The following DLGAP2 variants were observed in gnomAD, a reference collection of about 807,000 sequenced individuals.
The protein encoded by DLGAP2 is DLG associated protein 2, also known as disks large-associated protein 2.
DLGAP2 carries 26 observed loss-of-function variants against 100.3 expected under a neutral mutation model. The observed-to-expected ratio is 0.26, with a 90% CI of 0.19 to 0.36. DLGAP2 has a LOEUF of 0.36. Ranked by LOEUF, DLGAP2 falls within the 10% of genes least tolerant of loss-of-function variation. The pLI, the probability that DLGAP2 is intolerant of heterozygous loss-of-function variation, is 1.00. For synonymous variants in DLGAP2, 886 were observed against 630.1 expected, an observed-to-expected ratio of 1.41 and a Z score of -6.08; for missense variants, 1,858 against 1,453.2, an observed-to-expected ratio of 1.28 and a Z score of -4.53.
At chr8:1,628,666 A>G (rs112618295) in intron 7 of DLGAP2, among the ~76,000 whole-genome samples, 3 of 134,196 alleles carry the variant, frequency 2.2e-5, no homozygotes, top group Non-Finnish European at 4.7e-5. Context: ...GTGGAGCAGG[A>G]ATTAAGAGCC....
intron 7 of DLGAP2, among the ~76,000 whole-genome samples, chr8:1,629,833 G>A (rs1797598591): frequency 6.6e-6 from 1 of 152,196 alleles, no homozygotes; most frequent in Non-Finnish European, 1.5e-5. Context: ...ATGCTCTTAT[G>A]AAACATTCAG....
intron 1 of DLGAP2, among the ~76,000 whole-genome samples, chr8:888,951 C>A (rs1399129812): frequency 6.6e-6 from 1 of 152,080 alleles, no homozygotes; most frequent in African/African-American, 2.4e-5. Flanking sequence ...CATCTGGATG[C>A]AGGTGGGCTG....
chr8:1,062,582 G>A (rs915650591), intron 2 of DLGAP2, among the ~76,000 whole-genome samples: 6 of 152,202 alleles, frequency 3.9e-5, no homozygotes, highest in African/African-American at 9.7e-5. Context: ...CCAGCTGGTA[G>A]CACTCAACTA....
At chr8:1,417,685 G>C (rs113852146) in intron 3 of DLGAP2, among the ~76,000 whole-genome samples, 5,443 of 70,860 alleles carry the variant, frequency 0.077, 601 homozygotes, top group Non-Finnish European at 0.11. Context: ...CTCCAGGGGG[G>C]CACAGGGGGC....
At chr8:945,059 C>G (rs1799286466) in intron 2 of DLGAP2, among the ~76,000 whole-genome samples, 1 of 152,194 alleles carries the variant, frequency 6.6e-6, no homozygotes, top group Non-Finnish European at 1.5e-5. Flanking sequence ...CTTTCCACCC[C>G]AATTTCTGTT....
At chr8:1,606,394 AC>A (rs1466226402) in intron 6 of DLGAP2, among the ~76,000 whole-genome samples, 2 of 152,074 alleles carry the variant, frequency 1.3e-5, no homozygotes, top group Non-Finnish European at 2.9e-5. Flanking sequence ...GAAACCCTGT[AC>A]CGTCACTCCC....
At chr8:1,216,760 C>T (rs781394132) in intron 2 of DLGAP2, among the ~76,000 whole-genome samples, 2 of 152,102 alleles carry the variant, frequency 1.3e-5, no homozygotes, top group Admixed American at 1.3e-4. Context: ...TCCTCTCTTC[C>T]CCCACCAAAA....
chr8:1,234,183 G>T (rs548411029), intron 2 of DLGAP2, among the ~76,000 whole-genome samples: 1 of 152,250 alleles, frequency 6.6e-6, no homozygotes, highest in East Asian at 1.9e-4. Context: ...CTGTGCGGCT[G>T]TTGTCGTAGG....
chr8:1,260,821 G>A (rs1029864284), intron 3 of DLGAP2, among the ~76,000 whole-genome samples: 1 of 152,204 alleles, frequency 6.6e-6, no homozygotes, highest in Non-Finnish European at 1.5e-5. Flanking sequence ...GACTGTAGTC[G>A]TCCAGAGCAT....
At chr8:1,647,360 G>A (rs1302537396) in intron 8 of DLGAP2, among the ~76,000 whole-genome samples, 3 of 151,634 alleles carry the variant, frequency 2.0e-5, no homozygotes, top group Non-Finnish European at 2.9e-5. Context: ...GTCGTGGTGG[G>A]TGCCTGTAGT....
chr8:1,161,970 A>C (rs1796900276), intron 2 of DLGAP2, among the ~76,000 whole-genome samples: 1 of 152,190 alleles, frequency 6.6e-6, no homozygotes, highest in Non-Finnish European at 1.5e-5. Flanking sequence ...GAGTCACCTG[A>C]GGGCCTTCCT....
At chr8:873,180 C>A (rs1237969467) in intron 1 of DLGAP2, among the ~76,000 whole-genome samples, 1 of 152,128 alleles carries the variant, frequency 6.6e-6, no homozygotes, top group East Asian at 1.9e-4. Context: ...TCTATATTGA[C>A]CTCATGTCCT....
intron 1 of DLGAP2, among the ~76,000 whole-genome samples, chr8:758,131 A>G (rs1229703887): frequency 1.3e-5 from 2 of 152,276 alleles, no homozygotes; most frequent in Admixed American, 1.3e-4. Context: ...AAGCCTAAAA[A>G]GCAGGAGTGG....
chr8:1,110,487 G>C (rs571804205), intron 2 of DLGAP2, among the ~76,000 whole-genome samples: 16 of 150,076 alleles, frequency 1.1e-4, no homozygotes, highest in African/African-American at 3.9e-4. Context: ...CATGTGCTCG[G>C]TCTGTGATGT....
intron 2 of DLGAP2, among the ~76,000 whole-genome samples, chr8:1,102,159 C>T (rs1178688649): frequency 4.0e-5 from 6 of 149,124 alleles, no homozygotes; most frequent in Non-Finnish European, 5.9e-5. Flanking sequence ...AATATATATT[C>T]AAGCTTTTAC....
chr8:1,446,793 A>G (rs571872739), intron 3 of DLGAP2, among the ~76,000 whole-genome samples: 211 of 152,252 alleles, frequency 1.4e-3, no homozygotes, highest in African/African-American at 4.9e-3. Flanking sequence ...AGTTCTCATT[A>G]AAGAGGTCAT....
Position 1,625,429 on chromosome 8 carries a change from G to A in DLGAP2, c.1443-1311G>A, listed in dbSNP as rs1480594844. Among the ~76,000 whole-genome samples the A allele has an allele frequency of 8.5e-5, 13 of 152,248 alleles. 1 individual carries two copies. The highest frequency in any genetic ancestry group is 2.6e-4 in the African/African-American group (11 of 41,540). ...CCATGCTTTTAACATTTCACAAAAC[G>A]GCGAGAAGGAAGACCAGAGAACATT... On this transcript the variant is annotated intron_variant, in intron 6 of 14. Transcript: ENST00000637795.
intron 2 of DLGAP2, among the ~76,000 whole-genome samples, chr8:915,446 C>G (rs1584886504): frequency 6.6e-6 from 1 of 152,184 alleles, no homozygotes; most frequent in Non-Finnish European, 1.5e-5. Flanking sequence ...ACTCGGGAGG[C>G]TGAGGCAGGA....
At chr8:888,379 C>A (rs544120969) in intron 1 of DLGAP2, among the ~76,000 whole-genome samples, 1 of 152,302 alleles carries the variant, frequency 6.6e-6, no homozygotes. Flanking sequence ...AAGCTTACTT[C>A]TGTCAATTTG....
Sources: allele counts gnomAD v4.1 joint callset (sites outside exome capture counted in the v4.1 genomes callset), GRCh38; gene constraint gnomAD v4.1.1; transcripts MANE v1.5; gene names NCBI Gene and HGNC (gene_info 2026-07-23, HGNC 2026-07-21).